The following ATP9A variants were observed in gnomAD, a reference collection of about 807,000 sequenced individuals.
The protein encoded by ATP9A is probable phospholipid-transporting ATPase IIA.
Under a neutral mutation model 144.1 loss-of-function variants are expected in ATP9A, and 52 were observed. The ratio of observed to expected loss-of-function variants is 0.36; its 90% CI spans 0.29 to 0.45. ATP9A has a LOEUF of 0.45. Ranked by LOEUF, ATP9A falls within the 20% of genes least tolerant of loss-of-function variation. The probability of loss-of-function intolerance (pLI) is 1.00; values close to 1 mark genes in which losing one functional copy is unlikely to be tolerated. For missense variants in ATP9A, 947 were observed against 1,392.7 expected (o/e 0.68, Z 5.09); for synonymous variants, 582 against 557.4 (o/e 1.04, Z -0.62).
At chr20:51,660,458 G>A (rs1290095410) in intron 13 of ATP9A, among the ~76,000 whole-genome samples, 4 of 152,184 alleles carry the variant, frequency 2.6e-5, no homozygotes, top group African/African-American at 7.2e-5. Flanking sequence ...CCTCACTCAG[G>A]AGACCATCTG....
chr20:51,690,575 C>T (rs2077544074), intron 8 of ATP9A, among the ~76,000 whole-genome samples, 164 bp downstream of exon 8: 1 of 152,326 alleles, frequency 6.6e-6, no homozygotes, highest in Admixed American at 6.5e-5. Flanking sequence ...GTTGTGTCGA[C>T]CTTACTGAGA....
At chr20:51,728,757 T>A (rs2077726763) in intron 2 of ATP9A, among the ~76,000 whole-genome samples, 2 of 151,726 alleles carry the variant, frequency 1.3e-5, no homozygotes, top group Admixed American at 6.6e-5. Context: ...GACAGTGAGA[T>A]CTGGTCTCTT....
chr20:51,738,132 G>A (rs949144109), intron 1 of ATP9A, among the ~76,000 whole-genome samples: 2 of 151,274 alleles, frequency 1.3e-5, no homozygotes, highest in Admixed American at 6.6e-5. Flanking sequence ...GGGTTCAAGC[G>A]ATTCTCCTGC....
intron 13 of ATP9A, among the ~76,000 whole-genome samples, chr20:51,663,805 A>AAC (rs1429238550): frequency 1.3e-5 from 2 of 151,786 alleles, no homozygotes; most frequent in African/African-American, 2.4e-5. Context: ...GAAAAAAAAA[A>AAC]AAAAAAACAA....
At chr20:51,749,533 G>C (rs1262262162) in intron 1 of ATP9A, among the ~76,000 whole-genome samples, 1 of 152,038 alleles carries the variant, frequency 6.6e-6, no homozygotes, top group Non-Finnish European at 1.5e-5. Flanking sequence ...CAAAGTGCTG[G>C]GATTATAGGC....
At chr20:51,735,918 G>C (rs2077760854) in intron 1 of ATP9A, among the ~76,000 whole-genome samples, 1 of 152,214 alleles carries the variant, frequency 6.6e-6, no homozygotes, top group South Asian at 2.1e-4. Flanking sequence ...TAGCGAACAG[G>C]ACAGACAAGG....
intron 1 of ATP9A, among the ~76,000 whole-genome samples, chr20:51,731,492 C>T (rs1387193597): frequency 6.6e-6 from 1 of 151,226 alleles, no homozygotes; most frequent in Non-Finnish European, 1.5e-5. Context: ...CCGAGGCAGG[C>T]GGAGGTACCT....
intron 9 of ATP9A, among the ~76,000 whole-genome samples, chr20:51,679,877 C>T (rs112965533): frequency 2.0e-3 from 305 of 152,200 alleles, no homozygotes; most frequent in African/African-American, 7.1e-3. Flanking sequence ...CTGCAATATT[C>T]GAGCATGTGA....
intron 15 of ATP9A, among the ~76,000 whole-genome samples, chr20:51,638,195 T>C (rs1465086047): frequency 7.1e-6 from 1 of 141,838 alleles, no homozygotes. Flanking sequence ...CAATTGCAAA[T>C]TGTGCTGCTA....
chr20:51,609,152 G>A (rs1295621263), intron 24 of ATP9A, among the ~76,000 whole-genome samples: 4 of 151,976 alleles, frequency 2.6e-5, no homozygotes, highest in African/African-American at 9.7e-5. Context: ...GGGGCTGAGG[G>A]CGACGGAAGA....
intron 4 of ATP9A, among the ~76,000 whole-genome samples, chr20:51,701,878 G>A (rs1037841742): frequency 3.9e-5 from 6 of 152,262 alleles, no homozygotes; most frequent in Non-Finnish European, 8.8e-5. Context: ...TCAAAAACAC[G>A]TAGTTTGGCT....
chr20:51,658,895 G>GGGGGCGGT (rs1393906608), intron 13 of ATP9A, among the ~76,000 whole-genome samples: 1 of 117,534 alleles, frequency 8.5e-6, no homozygotes, highest in African/African-American at 3.5e-5. Context: ...TGGCGGGGGG[G>GGGGGCGGT]GGGGGGGGAA....
intron 23 of ATP9A, among the ~76,000 whole-genome samples, chr20:51,610,691 A>C (rs999270668): frequency 6.6e-6 from 1 of 152,062 alleles, no homozygotes; most frequent in Non-Finnish European, 1.5e-5. Flanking sequence ...ACAGCTCGGA[A>C]TCCTCACCTC....
intron 9 of ATP9A, among the ~76,000 whole-genome samples, chr20:51,682,577 C>CTTTTTTTTTTTTTTT (rs60505207): frequency 0.021 from 743 of 35,078 alleles, 184 homozygotes; most frequent in Non-Finnish European, 0.031. Flanking sequence ...TTCACTGTAT[C>CTTTTTTTTTTTTTTT]TTTTTTTTTT....
intron 8 of ATP9A, 126 bp downstream of exon 8, chr20:51,690,607 GCGGTGC>G: frequency 1.3e-6 from 1 of 751,630 alleles, no homozygotes; most frequent in Non-Finnish European, 2.3e-6. Context: ...GGCTTTCAAG[GCGGTGC>G]CTTCTTTATG....
At chr20:51,720,359 A>G (rs2122860723) in intron 3 of ATP9A, among the ~76,000 whole-genome samples, 1 of 152,348 alleles carries the variant, frequency 6.6e-6, no homozygotes, top group South Asian at 2.1e-4. Context: ...ATGGAACTAA[A>G]AAACTAAAAT....
In ATP9A at chr20:51,622,086, G is replaced by A. The variant is rs113976949; in HGVS notation, c.2103C>T (p.His701=). The change falls in exon 19 of 28, where the codon CAC becomes CAT. Residue 701 remains histidine (H), a synonymous_variant. Transcript: ENST00000338821. ...GAGGACACTTTACCAGCCGAAAAAC[G>A]TGGATGTCTTGGTTTCTGGTCACCA... ...AHLVTRNQDI[H]VFRLVTNRGE... is the part of the protein sequence containing the mutation. 2.7e-4 allele frequency: 440 copies of A among 1,614,062 alleles called. 1 individual carries two copies. The East Asian group carries it at 8.1e-3, about 30-fold the overall frequency.
chr20:51,745,587 G>A (rs910646566), intron 1 of ATP9A, among the ~76,000 whole-genome samples: 9 of 152,132 alleles, frequency 5.9e-5, no homozygotes, highest in African/African-American at 1.2e-4. Context: ...CTACTGGCAC[G>A]TAGTGGGTAG....
intron 19 of ATP9A, among the ~76,000 whole-genome samples, chr20:51,621,284 C>T (rs959876331): frequency 7.2e-5 from 11 of 152,048 alleles, no homozygotes; most frequent in African/African-American, 2.7e-4. Flanking sequence ...TGAGAACTGA[C>T]TGTACCTGCC....
Sources: allele counts gnomAD v4.1 joint callset (sites outside exome capture counted in the v4.1 genomes callset), GRCh38; gene constraint gnomAD v4.1.1; transcripts MANE v1.5; gene names NCBI Gene and HGNC (gene_info 2026-07-23, HGNC 2026-07-21).